Variants in SYT14 observed in about 807,000 individuals in gnomAD.
The protein encoded by SYT14 is synaptotagmin-14.
SYT14 carries 32 observed loss-of-function variants against 74.2 expected under a neutral mutation model. That is an observed-to-expected ratio of 0.43 (90% CI 0.33 to 0.58). The LOEUF is 0.58. Ranked by LOEUF, SYT14 falls within the 20% of genes least tolerant of loss-of-function variation. The pLI, the probability that SYT14 is intolerant of heterozygous loss-of-function variation, is 0.05. For missense variants in SYT14, 791 were observed against 981.8 expected, an observed-to-expected ratio of 0.81 and a Z score of 2.60; for synonymous variants, 298 against 337.7, an observed-to-expected ratio of 0.88 and a Z score of 1.29.
intron 7 of SYT14, among the ~76,000 whole-genome samples, chr1:210,115,972 T>C (rs2082353498): frequency 6.6e-6 from 1 of 150,978 alleles, no homozygotes; most frequent in Non-Finnish European, 1.5e-5. Flanking sequence ...GTGGGCCGTT[T>C]TATAGGATTT....
chr1:209,989,552 T>G (rs908940972), intron 2 of SYT14, among the ~76,000 whole-genome samples: 3 of 152,264 alleles, frequency 2.0e-5, no homozygotes, highest in Non-Finnish European at 4.4e-5. Context: ...TGAATGAGAT[T>G]ACTTATTAAG....
intron 2 of SYT14, among the ~76,000 whole-genome samples, chr1:209,973,259 G>C (rs552534948): frequency 1.3e-5 from 2 of 151,500 alleles, no homozygotes; most frequent in Non-Finnish European, 2.9e-5. Flanking sequence ...TGTGCACAAC[G>C]TGCAGGTTAG....
chr1:210,136,658 T>C (rs2082792424), intron 7 of SYT14, among the ~76,000 whole-genome samples: 1 of 152,128 alleles, frequency 6.6e-6, no homozygotes, highest in African/African-American at 2.4e-5. Context: ...CATGGTGTTA[T>C]GAGAGCAGTT....
intron 7 of SYT14, among the ~76,000 whole-genome samples, chr1:210,102,750 T>C (rs2082090518): frequency 6.6e-6 from 1 of 152,124 alleles, no homozygotes; most frequent in Non-Finnish European, 1.5e-5. Context: ...AGTGCAATCA[T>C]GGCTGATTGT....
intron 2 of SYT14, among the ~76,000 whole-genome samples, chr1:209,954,763 T>C (rs1478777413): frequency 6.6e-6 from 1 of 151,630 alleles, no homozygotes; most frequent in African/African-American, 2.4e-5. Context: ...TGGAATGCAG[T>C]GGTACGATCT....
intron 7 of SYT14, among the ~76,000 whole-genome samples, chr1:210,139,943 C>G (rs1363210758): frequency 6.6e-6 from 1 of 152,080 alleles, no homozygotes; most frequent in Non-Finnish European, 1.5e-5. Context: ...CATTTGTGTA[C>G]AAGTTGTTGT....
intron 5 of SYT14, among the ~76,000 whole-genome samples, chr1:210,032,901 T>C (rs1431883856): frequency 6.6e-6 from 1 of 151,728 alleles, no homozygotes; most frequent in Non-Finnish European, 1.5e-5. Context: ...CTCAATTTGT[T>C]CATAGTACTC....
At chr1:210,111,445 G>C (rs972424174) in intron 7 of SYT14, among the ~76,000 whole-genome samples, 4 of 151,224 alleles carry the variant, frequency 2.6e-5, no homozygotes, top group African/African-American at 7.4e-5. Flanking sequence ...GGGCCCAGAG[G>C]CCTGACATTG....
chr1:209,993,715 A>C (rs2079735229), intron 2 of SYT14, among the ~76,000 whole-genome samples: 1 of 151,844 alleles, frequency 6.6e-6, no homozygotes, highest in South Asian at 2.1e-4. Flanking sequence ...GATTGGAGGG[A>C]GCTCCCCCAA....
chr1:209,954,629 A>G (rs530345781), intron 2 of SYT14, among the ~76,000 whole-genome samples: 1 of 152,116 alleles, frequency 6.6e-6, no homozygotes, highest in Non-Finnish European at 1.5e-5. Context: ...AAAGTTATGT[A>G]GAGTAATTAT....
intron 2 of SYT14, among the ~76,000 whole-genome samples, chr1:209,992,658 A>T (rs949664052): frequency 6.7e-6 from 1 of 149,174 alleles, no homozygotes; most frequent in East Asian, 1.9e-4. Context: ...ATGGCACTTA[A>T]ACCCCCTGAA....
At chr1:210,102,005 A>C (rs1434656927) in intron 7 of SYT14, among the ~76,000 whole-genome samples, 2 of 152,178 alleles carry the variant, frequency 1.3e-5, no homozygotes, top group Non-Finnish European at 2.9e-5. Flanking sequence ...GTTAGCTTCT[A>C]GTCATTGATT....
At chr1:209,992,379 A>T (rs759404974) in intron 2 of SYT14, among the ~76,000 whole-genome samples, 21 of 152,232 alleles carry the variant, frequency 1.4e-4, no homozygotes, top group Non-Finnish European at 2.6e-4. Flanking sequence ...TGTCTTTTGC[A>T]GCAACATGGA....
rs115986100 is a variant in SYT14, at chr1:209,953,845, G to T, written c.-486+1089G>T. 6.9e-3 allele frequency among the ~76,000 whole-genome samples: 1,056 copies of T among 152,236 alleles called. 5 individuals are homozygous for T. The highest frequency in any genetic ancestry group is 9.9e-3 in the Admixed American group (152 of 15,286). ...CTCTAGTACCACAAAGGAGGAAATT[G>T]AAGTCAGTTTCATGAAATCTCAAAT... On this transcript the variant is annotated intron_variant, in intron 2 of 9. Coordinates refer to ENST00000637265, the Ensembl canonical transcript of SYT14.
At chr1:210,001,987 T>G (rs868077156) in intron 2 of SYT14, among the ~76,000 whole-genome samples, 2 of 152,104 alleles carry the variant, frequency 1.3e-5, no homozygotes, top group African/African-American at 2.4e-5. Flanking sequence ...CAGTTCTGAT[T>G]TACATTTTGA....
intron 7 of SYT14, among the ~76,000 whole-genome samples, chr1:210,101,806 C>G (rs947268732): frequency 6.6e-6 from 1 of 151,990 alleles, no homozygotes; most frequent in African/African-American, 2.4e-5. Context: ...GGAAAATAAA[C>G]GCTTATATAG....
At chr1:209,969,204 C>T (rs2079205065) in intron 2 of SYT14, among the ~76,000 whole-genome samples, 1 of 152,058 alleles carries the variant, frequency 6.6e-6, no homozygotes, top group Admixed American at 6.6e-5. Context: ...CTGTGGTGAA[C>T]ATATGTGTGC....
chr1:210,052,911 T>C (rs562482434), intron 5 of SYT14, among the ~76,000 whole-genome samples: 50 of 152,246 alleles, frequency 3.3e-4, no homozygotes, highest in African/African-American at 1.1e-3. Flanking sequence ...CTTTAAATTT[T>C]AGATGTGATA....
chr1:210,077,121 C>T (rs1455046950), intron 5 of SYT14, among the ~76,000 whole-genome samples: 1 of 151,840 alleles, frequency 6.6e-6, no homozygotes, highest in Non-Finnish European at 1.5e-5. Context: ...TCTGCAGTTC[C>T]AATAAGCATG....
Sources: gnomAD v4.1 joint callset for allele counts (sites outside exome capture counted in the v4.1 genomes callset) on GRCh38, gnomAD v4.1.1 for gene constraint, MANE v1.5 for transcripts, NCBI Gene and HGNC (gene_info 2026-07-23, HGNC 2026-07-21) for gene names.